Variants in PITPNM3 observed in about 807,000 individuals in gnomAD.
PITPNM3 encodes membrane-associated phosphatidylinositol transfer protein 3.
A neutral mutation model predicts 102.0 loss-of-function variants in PITPNM3; 26 were observed. The observed-to-expected ratio is 0.25, with a 90% CI of 0.19 to 0.35. The LOEUF (loss-of-function observed/expected upper bound fraction) is 0.35, where lower values mean the gene tolerates loss of function less well. Among genes scored for constraint, PITPNM3 ranks in the 10% least tolerant of loss-of-function variants. The probability of loss-of-function intolerance (pLI) is 1.00; values close to 1 mark genes in which losing one functional copy is unlikely to be tolerated. For missense variants in PITPNM3, 1,083 were observed against 1,346.1 expected (o/e 0.80, Z 3.06); for synonymous variants, 578 against 558.6 (o/e 1.03, Z -0.49).
At chr17:6,477,254 G>C (rs773944147) in intron 8 of PITPNM3, 41 bp from the exon 9 acceptor site, 134 of 1,597,452 alleles carry the variant, frequency 8.4e-5, no homozygotes, top group Non-Finnish European at 1.1e-4. Flanking sequence ...AAAGACTGTT[G>C]TCACGGGAGA....
At chr17:6,507,106 C>T (rs957849205) in intron 3 of PITPNM3, among the ~76,000 whole-genome samples, 4 of 148,648 alleles carry the variant, frequency 2.7e-5, no homozygotes, top group Non-Finnish European at 5.9e-5. Context: ...GGGAGGCCAG[C>T]GGCTGTCCAT....
chr17:6,469,396 C>G lies in PITPNM3; in HGVS notation c.1773+864G>C, dbSNP rs933064171. ...CACCGGGCTGGGGACCCACCCCCAGCCCAGCACACTCTCTCCCACCCCCAA... is the reference window on the plus strand; with the variant it reads ...CACCGGGCTGGGGACCCACCCCCAGGCCAGCACACTCTCTCCCACCCCCAA... On this transcript the variant is annotated intron_variant, in intron 13 of 19. Coordinates refer to ENST00000262483, the MANE Select transcript of PITPNM3 (RefSeq NM_031220.4). The surrounding 1 kb of genome is among the most constrained non-coding windows in gnomAD (Gnocchi z 4.0). Among the ~76,000 whole-genome samples, 1 of 151,630 alleles carries G rather than the reference C, an allele frequency of 6.6e-6. No homozygotes were observed. The highest frequency in any genetic ancestry group is 2.4e-5 in the African/African-American group (1 of 41,238).
chr17:6,481,821 G>A (rs1297819237), intron 6 of PITPNM3: 1 of 141,442 alleles, frequency 7.1e-6, no homozygotes, highest in African/African-American at 2.6e-5. Flanking sequence ...ACGGATGGAT[G>A]GATGAATAGA....
rs746278164 is a variant in PITPNM3 at position 6,467,082 on chromosome 17, A to AAAAAAAAACC, written c.1890+1142_1890+1143insGGTTTTTTTT. On this transcript the variant is annotated intron_variant, in intron 14 of 19. Coordinates refer to ENST00000262483, the MANE Select transcript of PITPNM3 (RefSeq NM_031220.4). ...CGTCTCAAAACAAAAAAAAAAAACC[A>AAAAAAAAACC]AAAAAAAAAAACAGGTGAAAACAAC... 4.9e-5 allele frequency among the ~76,000 whole-genome samples: 6 copies of AAAAAAAAACC among 122,838 alleles called. 1 individual carries two copies. The highest frequency in any genetic ancestry group is 5.4e-4 in the South Asian group (2 of 3,722). The allele number at this position is 122,838 out of a possible 152,430, so 80.6% of individuals were successfully genotyped here. A position where few individuals can be genotyped will look rare whatever the true frequency, so the allele number is the denominator to read the frequency against.
chr17:6,487,310 T>C (rs1906156323), intron 4 of PITPNM3, among the ~76,000 whole-genome samples: 3 of 152,084 alleles, frequency 2.0e-5, no homozygotes, highest in Admixed American at 2.0e-4. Flanking sequence ...GTGGTGAGGA[T>C]AGATGAGTTC....
Position 6,478,011 on chromosome 17 carries a change from G to T in PITPNM3, c.864C>A (p.Ala288=). 1 of 1,613,520 alleles carries T rather than the reference G, an allele frequency of 6.2e-7. No individual in the cohort carries two copies. The highest frequency in any genetic ancestry group is 8.5e-7 in the Non-Finnish European group (1 of 1,180,026). ...YSAGPSGDSP[A]SSSRKGSISS... The stretch of plus-strand genomic sequence containing the variant: ...TGATGCTCCCCTTCCGGCTGCTGCT[G>T]GCAGGGCTGTCCCCTGAGGGCCCCG... The change falls in exon 8 of 20, where the codon GCC becomes GCA. Residue 288 remains alanine, a synonymous_variant. Coordinates refer to ENST00000262483, the MANE Select transcript of PITPNM3 (RefSeq NM_031220.4). The surrounding 1 kb of genome is among the most constrained non-coding windows in gnomAD (Gnocchi z 4.4).
chr17:6,530,488 G>A (rs764728061), intron 2 of PITPNM3, among the ~76,000 whole-genome samples: 6 of 152,222 alleles, frequency 3.9e-5, no homozygotes, highest in Non-Finnish European at 4.4e-5. Context: ...GAGTGGGGGA[G>A]GGGAGGACCA....
At chr17:6,499,938 C>T (rs571656436) in intron 4 of PITPNM3, among the ~76,000 whole-genome samples, 1 of 152,276 alleles carries the variant, frequency 6.6e-6, no homozygotes, top group African/African-American at 2.4e-5. Flanking sequence ...ACCGTGTTCC[C>T]CAGGCTGGTC....
intron 14 of PITPNM3, among the ~76,000 whole-genome samples, chr17:6,465,018 GT>G (rs1381652287): frequency 6.6e-6 from 1 of 152,130 alleles, no homozygotes; most frequent in Non-Finnish European, 1.5e-5. Flanking sequence ...CTGCTTTCGT[GT>G]TTTTTGTTTG....
intron 8 of PITPNM3, 43 bp from the exon 9 acceptor site, chr17:6,477,256 C>T (rs1351139579): frequency 1.3e-6 from 2 of 1,595,466 alleles, no homozygotes; most frequent in Admixed American, 1.7e-5. Context: ...AGACTGTTGT[C>T]ACGGGAGACT....
intron 2 of PITPNM3, among the ~76,000 whole-genome samples, chr17:6,531,491 A>G (rs1909143071): frequency 6.6e-6 from 1 of 152,154 alleles, no homozygotes. Flanking sequence ...TGGCCAGACT[A>G]CCTGTCACCC....
rs879161242 is a variant in PITPNM3, at chr17:6,453,462, G to GGAGGCT, written c.*1870_*1875dup. 4.1e-4 allele frequency: 62 copies of GGAGGCT among 152,894 alleles called. 1 individual carries two copies. The East Asian group carries it at 9.3e-3, about 23-fold the overall frequency. 9.5% of individuals were successfully genotyped at this position (152,894 alleles called of 1,614,324 possible). ...AACCGCCAGGAGACAGGACCATAGAGGAGGCTGAGGCTGAGGCTGAGGCTG... is the reference window on the plus strand; with the variant it reads ...AACCGCCAGGAGACAGGACCATAGAGGAGGCTGAGGCTGAGGCTGAGGCTGAGGCTG... On this transcript the variant is annotated 3_prime_UTR_variant, in exon 20 of 20. Transcript: ENST00000262483.
intron 4 of PITPNM3, among the ~76,000 whole-genome samples, chr17:6,488,928 G>A (rs568281111): frequency 6.6e-6 from 1 of 152,320 alleles, no homozygotes; most frequent in Admixed American, 6.5e-5. Flanking sequence ...TTTTGTGACA[G>A]TGTTTTTTGA....
intron 9 of PITPNM3, among the ~76,000 whole-genome samples, chr17:6,476,695 G>T (rs1037230447): frequency 1.3e-5 from 2 of 152,112 alleles, no homozygotes; most frequent in African/African-American, 4.8e-5. Flanking sequence ...CAATTACTCC[G>T]CCAGGTTCTT....
intron 1 of PITPNM3, among the ~76,000 whole-genome samples, chr17:6,554,268 C>T (rs529505284): frequency 1.4e-5 from 2 of 144,584 alleles, no homozygotes; most frequent in Non-Finnish European, 3.0e-5. Flanking sequence ...TGCAGTGAGC[C>T]GAGATCAAGC....
chr17:6,519,165 G>C (rs1187907971), intron 3 of PITPNM3, among the ~76,000 whole-genome samples: 1 of 114,912 alleles, frequency 8.7e-6, no homozygotes, highest in African/African-American at 3.5e-5. Context: ...GTGAAACCCC[G>C]TCTCTACTAA....
chr17:6,519,698 C>G (rs1043059484), intron 3 of PITPNM3, among the ~76,000 whole-genome samples: 1 of 151,672 alleles, frequency 6.6e-6, no homozygotes, highest in African/African-American at 2.4e-5. Flanking sequence ...GGCATGGTGG[C>G]GGGCGCCTGT....
rs888696434 is a variant in PITPNM3, at chr17:6,472,119, C to T, written c.1429+538G>A. 2.0e-5 allele frequency among the ~76,000 whole-genome samples: 3 copies of T among 152,194 alleles called. No individual in the cohort carries two copies. Among genetic ancestry groups the T allele is most frequent in the African/African-American group, 7.2e-5 (3 of 41,446 alleles). ...ATCGACGATACACTCGGTCCATGCC[C>T]GGTTCACCCCACTTGACCCTGGAGG... On this transcript the variant is annotated intron_variant, in intron 11 of 19. Transcript: ENST00000262483. The surrounding 1 kb of genome is among the most constrained non-coding windows in gnomAD (Gnocchi z 4.1).
rs1013888505 is a variant in PITPNM3 at position 6,458,797 on chromosome 17, C to T, written c.2491-1075G>A. Among the ~76,000 whole-genome samples the T allele has an allele frequency of 3.9e-5, 6 of 152,078 alleles. No homozygotes were observed. The highest frequency in any genetic ancestry group is 1.4e-4 in the African/African-American group (6 of 41,402). ...CCCCTTCATCCTCCTCCCACACCTG[C>T]CCGGCCAAATCTCAGCCCTGGAAAT... On this transcript the variant is annotated intron_variant, in intron 18 of 19. Transcript: ENST00000262483. The surrounding 1 kb of genome is among the most constrained non-coding windows in gnomAD (Gnocchi z 5.1).
Sources: gnomAD v4.1 joint callset for allele counts (sites outside exome capture counted in the v4.1 genomes callset) on GRCh38, gnomAD v4.1.1 for gene constraint, Gnocchi (gnomAD v3.1) non-coding constraint, MANE v1.5 for transcripts, NCBI Gene and HGNC (gene_info 2026-07-23, HGNC 2026-07-21) for gene names.